The following KDM5B variants were observed in gnomAD, a reference collection of about 807,000 sequenced individuals.
The protein encoded by KDM5B is lysine-specific demethylase 5B.
A neutral mutation model predicts 193.4 loss-of-function variants in KDM5B; 144 were observed. The observed-to-expected ratio is 0.74, with a 90% CI of 0.65 to 0.86. The LOEUF (loss-of-function observed/expected upper bound fraction) is 0.86. Among genes scored for constraint, KDM5B ranks in the 40% least tolerant of loss-of-function variants. The probability of loss-of-function intolerance (pLI) is 0.00; values close to 1 mark genes in which losing one functional copy is unlikely to be tolerated. For synonymous variants in KDM5B, 668 were observed against 682.6 expected (o/e 0.98, Z 0.33); for missense variants, 1,833 against 1,886.9 (o/e 0.97, Z 0.53).
chr1:202,802,538 G>A (rs1004070495), intron 1 of KDM5B, among the ~76,000 whole-genome samples: 2 of 151,926 alleles, frequency 1.3e-5, no homozygotes, highest in African/African-American at 4.8e-5. Context: ...GATTGCAGGC[G>A]CCTGCCACCA....
At chr1:202,740,411 AC>A (rs1389879749) in intron 20 of KDM5B, among the ~76,000 whole-genome samples, 2 of 93,668 alleles carry the variant, frequency 2.1e-5, no homozygotes, top group Admixed American at 1.2e-4. Context: ...TGGGGGTCTG[AC>A]CCCCCCACCT....
Position 202,745,904 on chromosome 1 carries a change from G to C in KDM5B, c.2277C>G (p.Ala759=), listed in dbSNP as rs947633996. 2 of 1,613,794 alleles carry C rather than the reference G, an allele frequency of 1.2e-6. No homozygotes were observed. The highest frequency in any genetic ancestry group is 1.3e-5 in the African/African-American group (1 of 74,888). The change falls in exon 16 of 27, where the codon GCC becomes GCG. Residue 759 remains alanine, a synonymous_variant. Transcript: ENST00000367265. ...CCTCCAAAGCTTCATTCACATTCAA[G>C]GCCCATTCGTTGTAAGATTCTGCTC... is the stretch of plus-strand genomic sequence containing the variant. ...KLRAESYNEW[A]LNVNEALEAK... is the part of the protein sequence containing the mutation.
rs1141109 is a variant in KDM5B at position 202,736,327 on chromosome 1, G to A, written c.3150C>T (p.Pro1050=). 6.2e-7 allele frequency: 1 copy of A among 1,611,962 alleles called. No individual in the cohort carries two copies. The highest frequency in any genetic ancestry group is 8.5e-7 in the Non-Finnish European group (1 of 1,178,960). ...IELVTRGRSI[P]VHLNSLPRLE... ...GTCTTGGCAAAGAATTCAGATGTAC[G>A]GGGATAGATCGGCCTCGTGTAACAA... The change falls in exon 21 of 27, where the codon CCC becomes CCT. Residue 1050 remains proline, a synonymous_variant. Transcript: ENST00000367265.
In KDM5B at chr1:202,767,254, A is replaced by G. The variant is rs188211746; in HGVS notation, c.577-194T>C. The G allele has an allele frequency of 3.8e-4, 608 of 1,596,170 alleles. 2 individuals are homozygous for G. In the African/African-American group the frequency reaches 6.2e-3, roughly 16 times the overall value. ...TTATGTTTTAAGCAGTTGGTGTCTT[A>G]CTACAAGGAAGGGTATAGCAAACGC... is the stretch of plus-strand genomic sequence containing the variant. On this transcript the variant is annotated intron_variant, in intron 4 of 26. Coordinates refer to ENST00000367265, the MANE Select transcript of KDM5B (RefSeq NM_006618.5).
In KDM5B at chr1:202,806,641, C is replaced by T. The variant is rs564141461; in HGVS notation, c.204+1461G>A. 182 of 152,214 alleles carry T rather than the reference C, an allele frequency of 1.2e-3. 1 individual carries two copies. Among genetic ancestry groups the T allele is most frequent in the African/African-American group, 4.1e-3 (172 of 41,502 alleles). 9.4% of individuals were successfully genotyped at this position (152,214 alleles called of 1,614,324 possible). On this transcript the variant is annotated intron_variant, in intron 1 of 26. Transcript: ENST00000367265. ...CTTAAGAAAAACTAAAGTAGGTGTC[C>T]GTGTTTTAATTTGGGGCAGGGAAGG...
At chr1:202,758,950 C>A (rs1656126962) in intron 8 of KDM5B, 4 of 154,434 alleles carry the variant, frequency 2.6e-5, no homozygotes, top group Admixed American at 2.6e-4. Flanking sequence ...TGATTATAAC[C>A]TAATACTGGG....
intron 19 of KDM5B, 100 bp from the exon 20 acceptor site, chr1:202,740,912 CA>C (rs1655311698): frequency 5.7e-6 from 7 of 1,237,974 alleles, no homozygotes; most frequent in Non-Finnish European, 7.9e-6. Context: ...TTCAGTATGG[CA>C]AATAATTTTT....
chr1:202,781,228 G>A (rs1657186123), intron 1 of KDM5B, among the ~76,000 whole-genome samples: 1 of 152,114 alleles, frequency 6.6e-6, no homozygotes, highest in Admixed American at 6.5e-5. Context: ...AAGCCCAGGG[G>A]GCTTAAGTTT....
chr1:202,761,816 C>A (rs954310206), intron 7 of KDM5B, among the ~76,000 whole-genome samples: 1 of 152,166 alleles, frequency 6.6e-6, no homozygotes, highest in Non-Finnish European at 1.5e-5. Context: ...ACTCAGTCTG[C>A]GGCACATCCT....
intron 1 of KDM5B, among the ~76,000 whole-genome samples, chr1:202,787,118 G>C (rs553458259): frequency 3.6e-4 from 55 of 152,204 alleles, no homozygotes; most frequent in African/African-American, 1.3e-3. Context: ...CCGGGCTCAT[G>C]CAATTCTCCC....
intron 7 of KDM5B, among the ~76,000 whole-genome samples, chr1:202,760,806 G>C (rs1054439628): frequency 2.6e-5 from 4 of 152,122 alleles, no homozygotes; most frequent in African/African-American, 7.2e-5. Context: ...TTTCTCAACT[G>C]TCATGTGTTT....
intron 4 of KDM5B, among the ~76,000 whole-genome samples, chr1:202,768,884 A>G (rs1204694832): frequency 2.8e-5 from 4 of 142,668 alleles, no homozygotes; most frequent in Non-Finnish European, 6.2e-5. Context: ...CGCCCGGCTG[A>G]TTTTGTATTT....
At chr1:202,749,543 C>T (rs191684886) in intron 13 of KDM5B, among the ~76,000 whole-genome samples, 10 of 152,076 alleles carry the variant, frequency 6.6e-5, no homozygotes, top group Admixed American at 2.0e-4. Flanking sequence ...GGTGACAGAG[C>T]GAGACTGTCT....
chr1:202,735,335 T>C (rs1434149013), intron 22 of KDM5B, 94 bp downstream of exon 22: 1 of 1,327,504 alleles, frequency 7.5e-7, no homozygotes, highest in South Asian at 1.4e-5. Flanking sequence ...TTCAAGTTAC[T>C]CTACTTGCCT....
intron 23 of KDM5B, 37 bp downstream of exon 23, chr1:202,733,364 A>C (rs1485767042): frequency 6.3e-7 from 1 of 1,596,044 alleles, no homozygotes; most frequent in South Asian, 1.1e-5. Context: ...AGAGCTTTGC[A>C]AATTCCAATA....
chr1:202,752,122 T>C (rs1367736410), intron 12 of KDM5B, among the ~76,000 whole-genome samples: 1 of 152,206 alleles, frequency 6.6e-6, no homozygotes, highest in Non-Finnish European at 1.5e-5. Context: ...TTAGCTAAGA[T>C]GGACTCTTCA....
In KDM5B at chr1:202,729,015, G is replaced by C. The variant is rs780740366; in HGVS notation, c.*21C>G. ...GGAGTCCTGAATTACATTAAGTAGG[G>C]GGGTATCTGTTTTTGTGTTTTTACT... On this transcript the variant is annotated 3_prime_UTR_variant, in exon 27 of 27. Transcript: ENST00000367265. 1.2e-5 allele frequency: 19 copies of C among 1,613,652 alleles called. No homozygotes were observed. In the South Asian group the frequency reaches 1.3e-4, roughly 11 times the overall value.
chr1:202,779,275 C>A (rs72750693), intron 1 of KDM5B, among the ~76,000 whole-genome samples: 11,723 of 151,904 alleles, frequency 0.077, 648 homozygotes, highest in Middle Eastern at 0.12. Flanking sequence ...AATCACATCA[C>A]TTTGGGAGGA....
chr1:202,733,469 G>A lies in KDM5B; in HGVS notation c.3841C>T (p.Arg1281Ter), dbSNP rs866525850. ...SSGNLKFVQD[R>*]VGSGLLYSRW... Reference sequence around the variant, plus strand: ...CTATATAACAGTCCTGAGCCCACTCGATCTTGCACAAATTTAAGATTCCCT... The same window carrying A: ...CTATATAACAGTCCTGAGCCCACTCAATCTTGCACAAATTTAAGATTCCCT... The change falls in exon 23 of 27, where the codon CGA becomes TGA. Residue 1281 changes from arginine (R) to a stop codon, truncating the protein, a stop_gained. Transcript: ENST00000367265. LOFTEE classifies it high-confidence loss of function. 2.5e-6 allele frequency: 4 copies of A among 1,614,092 alleles called. No individual in the cohort carries two copies. Among genetic ancestry groups the A allele is most frequent in the Non-Finnish European group, 1.7e-6 (2 of 1,179,970 alleles).
Sources: gnomAD v4.1 joint callset for allele counts (sites outside exome capture counted in the v4.1 genomes callset) on GRCh38, gnomAD v4.1.1 for gene constraint, MANE v1.5 for transcripts, NCBI Gene and HGNC (gene_info 2026-07-23, HGNC 2026-07-21) for gene names.